PGM2: variants seen among roughly 807,000 people sequenced by gnomAD.
PGM2 encodes phosphopentomutase.
A neutral mutation model predicts 74.6 loss-of-function variants in PGM2; 57 were observed. The ratio of observed to expected loss-of-function variants is 0.76; its 90% CI spans 0.62 to 0.95. The LOEUF is 0.95. PGM2 is among the 40% of genes least tolerant of loss of function. The pLI is 0.00. For missense variants in PGM2, 706 were observed against 741.9 expected, an observed-to-expected ratio of 0.95 and a Z score of 0.56; for synonymous variants, 273 against 260.7, an observed-to-expected ratio of 1.05 and a Z score of -0.46.
chr4:37,846,468 C>T (rs774096644), intron 8 of PGM2, among the ~76,000 whole-genome samples: 2 of 152,182 alleles, frequency 1.3e-5, no homozygotes, highest in African/African-American at 2.4e-5. Flanking sequence ...CACATCTTTT[C>T]TCTGATGTTC....
At chr4:37,843,695 C>A (rs1394787658) in intron 6 of PGM2, among the ~76,000 whole-genome samples, 1 of 151,674 alleles carries the variant, frequency 6.6e-6, no homozygotes, top group East Asian at 1.9e-4. Flanking sequence ...CTGCAACCTC[C>A]ACCTCCCAGG....
chr4:37,827,298 G>A (rs532525164), intron 1 of PGM2, among the ~76,000 whole-genome samples: 1 of 152,306 alleles, frequency 6.6e-6, no homozygotes, highest in Non-Finnish European at 1.5e-5. Context: ...GGTTACAAAC[G>A]TGGGTTGTCC....
intron 12 of PGM2, among the ~76,000 whole-genome samples, chr4:37,854,258 A>AT (rs1726129222): frequency 6.6e-6 from 1 of 152,178 alleles, no homozygotes; most frequent in East Asian, 1.9e-4. Flanking sequence ...TATCAAATAT[A>AT]AATATACCAT....
Position 37,861,617 on chromosome 4 carries a change from G to A in PGM2, c.*5G>A, listed in dbSNP as rs112168094. 4,582 of 1,588,952 alleles carry A rather than the reference G, an allele frequency of 2.9e-3. 137 individuals are homozygous for A. The African/African-American group carries it at 0.054, about 19-fold the overall frequency. On this transcript the variant is annotated 3_prime_UTR_variant, in exon 14 of 14. Coordinates refer to ENST00000381967, the MANE Select transcript of PGM2 (RefSeq NM_018290.4). The stretch of plus-strand genomic sequence containing the variant: ...CTGCAGCCAAAAGCAGACTAAAATA[G>A]TCCAGCCTTGGGTATACTTGCATTT...
intron 3 of PGM2, among the ~76,000 whole-genome samples, chr4:37,836,753 A>G (rs1162779469): frequency 1.3e-5 from 2 of 152,082 alleles, no homozygotes; most frequent in Non-Finnish European, 2.9e-5. Flanking sequence ...ATTTGATGCC[A>G]TTTTCTGCGT....
At position 37,830,069 on chromosome 4, in the gene PGM2, C is replaced by T. The variant is rs1240430545; in HGVS notation, c.187C>T (p.Arg63Ter). ...ARMEFGTAGL[R>*]AAMGPGISRM... ...AATGGAGTTTGGGACAGCTGGCCTC[C>T]GAGCTGCTATGGGACCTGGAATTTC... Residue 63 changes from arginine to a stop codon, truncating the protein, a stop_gained, in exon 2 of 14, where the codon CGA becomes TGA. Coordinates refer to ENST00000381967, the MANE Select transcript of PGM2 (RefSeq NM_018290.4). LOFTEE classifies it high-confidence loss of function. 10 of 1,607,468 alleles carry T rather than the reference C, an allele frequency of 6.2e-6. No homozygotes were observed. The highest frequency in any genetic ancestry group is 4.5e-5 in the East Asian group (2 of 44,526).
At chr4:37,851,979 T>TTTTTTTTTTTTTTGG (rs1560420074) in intron 12 of PGM2, among the ~76,000 whole-genome samples, 2 of 149,652 alleles carry the variant, frequency 1.3e-5, no homozygotes, top group African/African-American at 2.4e-5. Context: ...TCTTTTTTTT[T>TTTTTTTTTTTTTTGG]GGAGACAGGG....
intron 12 of PGM2, 45 bp from the exon 13 acceptor site, chr4:37,855,563 C>T: frequency 1.3e-6 from 2 of 1,551,480 alleles, no homozygotes; most frequent in Non-Finnish European, 1.8e-6. Context: ...TTGGTTAGGC[C>T]AGAATGTTAC....
intron 2 of PGM2, among the ~76,000 whole-genome samples, chr4:37,833,243 G>A (rs1725480683): frequency 6.6e-6 from 1 of 152,206 alleles, no homozygotes; most frequent in Non-Finnish European, 1.5e-5. Flanking sequence ...AGACTGTGAT[G>A]TATCCCCTCC....
At chr4:37,834,025 T>C (rs986527015) in intron 2 of PGM2, among the ~76,000 whole-genome samples, 1 of 152,166 alleles carries the variant, frequency 6.6e-6, no homozygotes, top group Non-Finnish European at 1.5e-5. Flanking sequence ...CTGAGGCTTA[T>C]TTTACCCATC....
intron 1 of PGM2, among the ~76,000 whole-genome samples, chr4:37,827,781 C>T (rs1215434638): frequency 1.3e-5 from 2 of 152,136 alleles, no homozygotes; most frequent in African/African-American, 2.4e-5. Flanking sequence ...CGAGAGACCC[C>T]TGCAGTCTCA....
intron 3 of PGM2, among the ~76,000 whole-genome samples, chr4:37,835,473 T>G (rs1560412889): frequency 6.6e-6 from 1 of 152,184 alleles, no homozygotes; most frequent in Non-Finnish European, 1.5e-5. Context: ...CAGTAAAACT[T>G]TACTTACAAA....
intron 2 of PGM2, 139 bp downstream of exon 2, chr4:37,830,270 AAAGT>A (rs1725407046): frequency 1.8e-6 from 1 of 557,424 alleles, no homozygotes; most frequent in African/African-American, 1.9e-5. Context: ...TTTACTCCAT[AAAGT>A]AAGGCTTGCA....
rs765065842 is a variant in PGM2 at position 37,830,024 on chromosome 4, C to T, written c.142C>T (p.Arg48Ter). ...LIAEGNKEEL[R>*]KCFGARMEFG... The stretch of plus-strand genomic sequence containing the variant: ...AGCAGAAGGTAATAAAGAAGAACTA[C>T]GAAAATGTTTTGGGGCCCGAATGGA... The change falls in exon 2 of 14, where the codon CGA becomes TGA. Residue 48 changes from arginine (R) to a stop codon, truncating the protein, a stop_gained. Coordinates refer to ENST00000381967, the MANE Select transcript of PGM2 (RefSeq NM_018290.4). LOFTEE classifies it high-confidence loss of function. 2.2e-5 allele frequency: 35 copies of T among 1,607,690 alleles called. No individual in the cohort carries two copies. In the Admixed American group the frequency reaches 3.7e-4, roughly 17 times the overall value.
At chr4:37,844,012 C>T (rs1464686658) in intron 6 of PGM2, among the ~76,000 whole-genome samples, 2 of 152,054 alleles carry the variant, frequency 1.3e-5, no homozygotes, top group African/African-American at 4.8e-5. Context: ...GTGTGTGGAG[C>T]CCTGGAACTG....
chr4:37,850,140 A>G, intron 11 of PGM2, 44 bp from the exon 12 acceptor site: 1 of 1,163,636 alleles, frequency 8.6e-7, no homozygotes, highest in African/African-American at 1.6e-5. Flanking sequence ...CACCCTACAA[A>G]ATTATTTGTT....
Position 37,861,898 on chromosome 4 carries a change from G to T in PGM2, c.*286G>T. 1 of 299,600 alleles carries T rather than the reference G, an allele frequency of 3.3e-6. No homozygotes were observed. Among genetic ancestry groups the T allele is most frequent in the South Asian group, 4.7e-5 (1 of 21,314 alleles). 18.6% of individuals were successfully genotyped at this position (299,600 alleles called of 1,614,324 possible). A position where few individuals can be genotyped will look rare whatever the true frequency, so the allele number is the denominator to read the frequency against. On this transcript the variant is annotated 3_prime_UTR_variant, in exon 14 of 14. Coordinates refer to ENST00000381967, the MANE Select transcript of PGM2 (RefSeq NM_018290.4). ...TAACTTAAAAAAATAGATTGTAATT[G>T]ATGTGCCTTAATTTGCATAAATCAT...
intron 3 of PGM2, among the ~76,000 whole-genome samples, chr4:37,835,774 CGGTGGCATCAGCCCCA>C (rs1560412990): frequency 6.6e-6 from 1 of 152,166 alleles, no homozygotes; most frequent in East Asian, 1.9e-4. Context: ...GAAAATCACC[CGGTGGCATCAGCCCCA>C]GGTTCAACTC....
At chr4:37,846,828 C>T in intron 8 of PGM2, 103 bp from the exon 9 acceptor site, 1 of 884,078 alleles carries the variant, frequency 1.1e-6, no homozygotes. Context: ...GCAGAAAATA[C>T]TTAGATGCTT....
Sources: gnomAD v4.1 joint callset for allele counts (sites outside exome capture counted in the v4.1 genomes callset) on GRCh38, gnomAD v4.1.1 for gene constraint, MANE v1.5 for transcripts, NCBI Gene and HGNC (gene_info 2026-07-23, HGNC 2026-07-21) for gene names.